Variants in OR8B2 observed in about 807,000 individuals in gnomAD.
The protein encoded by OR8B2 is olfactory receptor family 8 subfamily B member 2, also known as olfactory receptor 8B2.
For synonymous variants in OR8B2, 98 were observed against 138.2 expected (o/e 0.71, Z 2.04); for missense variants, 304 against 379.6 (o/e 0.80, Z 1.65).
At chr11:124,395,206 A>G in the OR8B2 span, among the ~76,000 whole-genome samples, 1 of 152,212 alleles carries the variant, frequency 6.6e-6, no homozygotes, top group South Asian at 2.1e-4. Context: ...GGAAGCTGCA[A>G]TGAGCTATGA....
At chr11:124,388,658 T>G (rs892103934), upstream of OR8B2, among the ~76,000 whole-genome samples, 1 of 152,138 alleles carries the variant, frequency 6.6e-6, no homozygotes, top group African/African-American at 2.4e-5. Context: ...TCTACTGATT[T>G]ATTTCATCAA....
the OR8B2 span, chr11:124,396,850 A>G: frequency 6.2e-7 from 1 of 1,610,242 alleles, no homozygotes; most frequent in Non-Finnish European, 8.5e-7. Flanking sequence ...GCACTGCAGA[A>G]GGTGAGTCTA....
chr11:124,393,598 A>G, the OR8B2 span, among the ~76,000 whole-genome samples: 6 of 151,760 alleles, frequency 4.0e-5, no homozygotes, highest in African/African-American at 1.5e-4. Context: ...GCAATCATTA[A>G]AAAGTCAGGA....
chr11:124,383,410 A>G, intron 1 of OR8B2, 50 bp from the exon 2 acceptor site: 3 of 1,426,240 alleles, frequency 2.1e-6, no homozygotes, highest in Non-Finnish European at 2.9e-6. Context: ...TCTTTTTACA[A>G]AATCTCATTA....
chr11:124,396,550 C>G, the OR8B2 span: 729 of 1,613,640 alleles, frequency 4.5e-4, no homozygotes, highest in Non-Finnish European at 5.8e-4. Flanking sequence ...TTTCCCTGCT[C>G]CATAGATCCA....
chr11:124,387,801 C>T (rs1426307743), upstream of OR8B2, among the ~76,000 whole-genome samples: 2 of 148,428 alleles, frequency 1.3e-5, no homozygotes, highest in African/African-American at 2.5e-5. Context: ...TGAAGAAAGT[C>T]GTTGGTAGCT....
At chr11:124,397,210 G>A in the OR8B2 span, 1 of 1,610,410 alleles carries the variant, frequency 6.2e-7, no homozygotes, top group Non-Finnish European at 8.5e-7. Flanking sequence ...AGACCGAAAA[G>A]AATGATCAAG....
At chr11:124,384,652 C>T (rs1221439264), upstream of OR8B2, among the ~76,000 whole-genome samples, 1 of 151,862 alleles carries the variant, frequency 6.6e-6, no homozygotes, top group Non-Finnish European at 1.5e-5. Flanking sequence ...GTCATAGAGA[C>T]ATGGCATTTG....
At chr11:124,394,351 A>T in the OR8B2 span, among the ~76,000 whole-genome samples, 2 of 152,114 alleles carry the variant, frequency 1.3e-5, no homozygotes, top group Admixed American at 1.3e-4. Flanking sequence ...GGAGATGTCA[A>T]GAAATAGACT....
upstream of OR8B2, among the ~76,000 whole-genome samples, chr11:124,384,675 A>G (rs1310184713): frequency 2.0e-5 from 3 of 152,164 alleles, no homozygotes; most frequent in Admixed American, 6.5e-5. Context: ...CAAGGCTCAT[A>G]ATTCTTAGAC....
chr11:124,385,579 A>C (rs532125577), upstream of OR8B2, among the ~76,000 whole-genome samples: 1 of 151,324 alleles, frequency 6.6e-6, no homozygotes, highest in Admixed American at 6.6e-5. Flanking sequence ...TTATGTAACA[A>C]AAACCTAAGT....
chr11:124,395,451 TTAAG>T, the OR8B2 span: 2 of 152,182 alleles, frequency 1.3e-5, no homozygotes, highest in African/African-American at 4.8e-5. Context: ...ATGATAAAGT[TTAAG>T]TAGGCTCACA....
chr11:124,388,210 G>A (rs537775819), upstream of OR8B2, among the ~76,000 whole-genome samples: 6 of 142,196 alleles, frequency 4.2e-5, no homozygotes, highest in East Asian at 2.0e-4. Flanking sequence ...TGCAAACAGG[G>A]ACAATTTGAC....
chr11:124,393,626 A>G, the OR8B2 span, among the ~76,000 whole-genome samples: 4 of 152,076 alleles, frequency 2.6e-5, no homozygotes, highest in African/African-American at 7.2e-5. Context: ...GGTGCTGGAG[A>G]GGATGTGGAG....
In OR8B2 at chr11:124,382,739, A is replaced by G. The variant is rs1473444324; in HGVS notation, c.605T>C (p.Val202Ala). ...GGGTACCGTGATATTAGTACCCACA[A>G]CAATGAGAACAACCACCTCGTTGAC... ...TYVNEVVVLI[V>A]VGTNITVPSC... Residue 202 changes from valine (V) to alanine (A), a missense_variant, in exon 2 of 2, where the codon GTT becomes GCT. Physicochemically the swap from Val to Ala is moderately conservative, Grantham distance 64 (BLOSUM62 0). Transcript: ENST00000641451. The G allele has an allele frequency of 1.2e-6, 2 of 1,613,922 alleles. No individual in the cohort carries two copies. Among genetic ancestry groups the G allele is most frequent in the Middle Eastern group, 1.7e-4 (1 of 6,052 alleles).
At chr11:124,385,678 A>G (rs867036331), upstream of OR8B2, among the ~76,000 whole-genome samples, 80 of 146,082 alleles carry the variant, frequency 5.5e-4, no homozygotes, top group African/African-American at 1.8e-3. Context: ...TCACCCAGGC[A>G]TGAGTGCAGT....
At chr11:124,394,596 A>G in the OR8B2 span, among the ~76,000 whole-genome samples, 1 of 152,134 alleles carries the variant, frequency 6.6e-6, no homozygotes, top group Non-Finnish European at 1.5e-5. Flanking sequence ...GTTAGATGGA[A>G]ATTGGCCAGC....
the OR8B2 span, among the ~76,000 whole-genome samples, chr11:124,389,545 G>A: frequency 6.6e-6 from 1 of 152,076 alleles, no homozygotes; most frequent in African/African-American, 2.4e-5. Flanking sequence ...AATTCTACCA[G>A]GGTTTTAATC....
At chr11:124,386,485 C>T (rs867257004), upstream of OR8B2, among the ~76,000 whole-genome samples, 149 of 141,226 alleles carry the variant, frequency 1.1e-3, 3 homozygotes, top group African/African-American at 3.6e-3. Flanking sequence ...TCAATTCCCA[C>T]CTATGAGTGA....
Sources: allele counts gnomAD v4.1 joint callset (sites outside exome capture counted in the v4.1 genomes callset), GRCh38; gene constraint gnomAD v4.1.1; transcripts MANE v1.5; gene names NCBI Gene and HGNC (gene_info 2026-07-23, HGNC 2026-07-21).